The following ABTB3 variants were observed in gnomAD, a reference collection of about 807,000 sequenced individuals.
The protein encoded by ABTB3 is ankyrin repeat- and BTB/POZ domain-containing protein 3.
the ABTB3 span, among the ~76,000 whole-genome samples, chr12:107,422,287 A>AAGATGGGTCAGAGAGGG: frequency 1.3e-5 from 2 of 152,156 alleles, no homozygotes; most frequent in Admixed American, 6.5e-5. Context: ...AGAGTGATGG[A>AAGATGGGTCAGAGAGGG]AGATGGGTCA....
At chr12:107,615,152 C>G in the ABTB3 span, 1 of 1,612,432 alleles carries the variant, frequency 6.2e-7, no homozygotes, top group South Asian at 1.1e-5. Context: ...GGACATATTC[C>G]TGTAGTTCAG....
the ABTB3 span, among the ~76,000 whole-genome samples, chr12:107,399,518 G>C: frequency 2.0e-5 from 3 of 152,062 alleles, no homozygotes; most frequent in Non-Finnish European, 4.4e-5. Flanking sequence ...GAAGAGTCCA[G>C]GCACCCATCT....
chr12:107,560,351 G>A, the ABTB3 span, among the ~76,000 whole-genome samples: 1 of 152,146 alleles, frequency 6.6e-6, no homozygotes, highest in East Asian at 1.9e-4. Flanking sequence ...GCCCTCTGTT[G>A]GCCTGTAGGA....
chr12:107,614,550 C>G, the ABTB3 span, among the ~76,000 whole-genome samples: 1 of 152,088 alleles, frequency 6.6e-6, no homozygotes, highest in African/African-American at 2.4e-5. Context: ...GCATCTCATG[C>G]TCTCTGACAT....
chr12:107,367,579 A>G, the ABTB3 span, among the ~76,000 whole-genome samples: 2 of 152,068 alleles, frequency 1.3e-5, no homozygotes, highest in Non-Finnish European at 2.9e-5. Flanking sequence ...GTTTCGGCTC[A>G]CTGCAACCTC....
chr12:107,443,404 G>A, the ABTB3 span, among the ~76,000 whole-genome samples: 7 of 152,012 alleles, frequency 4.6e-5, no homozygotes, highest in African/African-American at 7.2e-5. Context: ...TTTTGAAGGC[G>A]ACCTTGGTAG....
chr12:107,591,970 A>G, the ABTB3 span, among the ~76,000 whole-genome samples: 5 of 152,222 alleles, frequency 3.3e-5, no homozygotes, highest in East Asian at 9.6e-4. Context: ...TCTACTAGAA[A>G]GGCAGCCCTA....
chr12:107,323,619 A>T, the ABTB3 span, among the ~76,000 whole-genome samples: 1 of 152,258 alleles, frequency 6.6e-6, no homozygotes, highest in African/African-American at 2.4e-5. Flanking sequence ...CTAAATAAGG[A>T]GGGGGCAGAA....
At chr12:107,428,999 T>A in the ABTB3 span, among the ~76,000 whole-genome samples, 1 of 152,138 alleles carries the variant, frequency 6.6e-6, no homozygotes, top group Non-Finnish European at 1.5e-5. Flanking sequence ...AGTCTAAGCA[T>A]CTAGGGCAGG....
the ABTB3 span, chr12:107,610,505 T>G: frequency 1.3e-6 from 1 of 792,376 alleles, no homozygotes; most frequent in Non-Finnish European, 1.9e-6. Flanking sequence ...CTTGTGTTTT[T>G]CTTCAGTTTT....
At chr12:107,531,380 G>A in the ABTB3 span, among the ~76,000 whole-genome samples, 1 of 152,172 alleles carries the variant, frequency 6.6e-6, no homozygotes, top group Non-Finnish European at 1.5e-5. Context: ...TACTTTCACA[G>A]CGTCCGATAC....
At chr12:107,436,504 G>T in the ABTB3 span, among the ~76,000 whole-genome samples, 1 of 152,190 alleles carries the variant, frequency 6.6e-6, no homozygotes, top group East Asian at 1.9e-4. Flanking sequence ...GCAGTCAGGG[G>T]TATGGCTGCC....
the ABTB3 span, among the ~76,000 whole-genome samples, chr12:107,579,419 G>A: frequency 1.3e-5 from 2 of 152,152 alleles, no homozygotes; most frequent in Non-Finnish European, 2.9e-5. Context: ...TGTGGTCCAG[G>A]GCATGATACC....
the ABTB3 span, among the ~76,000 whole-genome samples, chr12:107,408,339 C>G: frequency 6.6e-6 from 1 of 152,280 alleles, no homozygotes; most frequent in Admixed American, 6.5e-5. Context: ...CCATCCTTAT[C>G]GGGCTCATTC....
the ABTB3 span, among the ~76,000 whole-genome samples, chr12:107,392,761 T>G: frequency 6.6e-6 from 1 of 152,244 alleles, no homozygotes; most frequent in East Asian, 1.9e-4. Context: ...TCACATCCAT[T>G]GCTGAACTAA....
chr12:107,433,413 C>A, the ABTB3 span, among the ~76,000 whole-genome samples: 1 of 151,488 alleles, frequency 6.6e-6, no homozygotes. Flanking sequence ...TGTAATTACC[C>A]AAGCAGCTAT....
the ABTB3 span, among the ~76,000 whole-genome samples, chr12:107,432,557 T>C: frequency 6.6e-6 from 1 of 152,196 alleles, no homozygotes; most frequent in African/African-American, 2.4e-5. Flanking sequence ...CAAATATTTA[T>C]GGTGGTGCCA....
At chr12:107,623,460 A>T in the ABTB3 span, among the ~76,000 whole-genome samples, 1 of 143,544 alleles carries the variant, frequency 7.0e-6, no homozygotes, top group African/African-American at 2.6e-5. Context: ...TCTGCCTCTC[A>T]GGTTCAAGCG....
chr12:107,514,233 G>T, the ABTB3 span, among the ~76,000 whole-genome samples: 1 of 152,166 alleles, frequency 6.6e-6, no homozygotes. Flanking sequence ...CCACCTTGCC[G>T]CCAGGCCAGT....
Sources: gnomAD v4.1 joint callset for allele counts (sites outside exome capture counted in the v4.1 genomes callset) on GRCh38, gnomAD v4.1.1 for gene constraint, MANE v1.5 for transcripts, NCBI Gene and HGNC (gene_info 2026-07-23, HGNC 2026-07-21) for gene names.